CDIN1: variants seen among roughly 807,000 people sequenced by gnomAD.
CDIN1 encodes the protein CDAN1 interacting nuclease 1.
A neutral mutation model predicts 45.3 loss-of-function variants in CDIN1; 33 were observed. The ratio of observed to expected loss-of-function variants is 0.73; its 90% CI spans 0.55 to 0.97. The LOEUF (loss-of-function observed/expected upper bound fraction) is 0.97. Among genes scored for constraint, CDIN1 ranks in the 50% least tolerant of loss-of-function variants. The pLI, the probability that CDIN1 is intolerant of heterozygous loss-of-function variation, is 0.00. For missense variants in CDIN1, 303 were observed against 339.4 expected, an observed-to-expected ratio of 0.89 and a Z score of 0.84; for synonymous variants, 118 against 124.4, an observed-to-expected ratio of 0.95 and a Z score of 0.34.
chr15:36,587,116 T>A (rs757349963), intron 1 of CDIN1, among the ~76,000 whole-genome samples: 1 of 152,210 alleles, frequency 6.6e-6, no homozygotes, highest in Non-Finnish European at 1.5e-5. Flanking sequence ...CAAATAGATA[T>A]CTGTATCATT....
intron 7 of CDIN1, among the ~76,000 whole-genome samples, chr15:36,692,978 A>G (rs2042306346): frequency 6.6e-6 from 1 of 152,184 alleles, no homozygotes; most frequent in Non-Finnish European, 1.5e-5. Context: ...ATCCGAGTCC[A>G]TGAATTTCAC....
chr15:36,666,745 C>T (rs1387839389), intron 5 of CDIN1, among the ~76,000 whole-genome samples: 1 of 152,122 alleles, frequency 6.6e-6, no homozygotes, highest in Non-Finnish European at 1.5e-5. Flanking sequence ...ATGTTTCTGC[C>T]ACCTCCATGC....
At chr15:36,721,141 T>A (rs908592422) in intron 10 of CDIN1, among the ~76,000 whole-genome samples, 10 of 152,168 alleles carry the variant, frequency 6.6e-5, no homozygotes, top group South Asian at 6.2e-4. Flanking sequence ...TTCTCGTAAA[T>A]TTGTTTGAGT....
intron 10 of CDIN1, among the ~76,000 whole-genome samples, chr15:36,797,992 ACTTTCCTTC>A (rs2054871128): frequency 8.4e-5 from 12 of 142,910 alleles, no homozygotes; most frequent in African/African-American, 3.2e-4. Context: ...AAAAAAAAAG[ACTTTCCTTC>A]ATTATATAGT....
At chr15:36,779,392 G>A (rs867633777) in intron 10 of CDIN1, among the ~76,000 whole-genome samples, 1 of 152,130 alleles carries the variant, frequency 6.6e-6, no homozygotes, top group Middle Eastern at 3.4e-3. Context: ...TTTTCCTTTG[G>A]TGTTCAAATC....
chr15:36,669,939 A>G (rs1319210349), intron 5 of CDIN1, among the ~76,000 whole-genome samples: 1 of 151,926 alleles, frequency 6.6e-6, no homozygotes, highest in Non-Finnish European at 1.5e-5. Context: ...TAAAATTACT[A>G]TTTTTCCCTT....
At chr15:36,616,228 G>A (rs1028263973) in intron 1 of CDIN1, among the ~76,000 whole-genome samples, 1 of 152,082 alleles carries the variant, frequency 6.6e-6, no homozygotes, top group Non-Finnish European at 1.5e-5. Context: ...TATCCTTTAA[G>A]AACTGGATGC....
chr15:36,771,557 G>A (rs996293197), intron 10 of CDIN1, among the ~76,000 whole-genome samples: 4 of 152,116 alleles, frequency 2.6e-5, no homozygotes, highest in African/African-American at 7.2e-5. Flanking sequence ...TTTCAACCAC[G>A]CTTCAAGTTA....
intron 10 of CDIN1, among the ~76,000 whole-genome samples, chr15:36,764,213 G>A (rs201461775): frequency 1.3e-5 from 1 of 78,264 alleles, no homozygotes; most frequent in East Asian, 4.8e-4. Context: ...CTGTGGTTTT[G>A]GTTTTTTTTT....
At position 36,690,740 on chromosome 15, in the gene CDIN1, A is replaced by G. The variant is rs148186548; in HGVS notation, c.347-945A>G. ...GCTTGTGTGGATCAGACCATAAGCCATTTTGCTAAATTGTGGTGAATAATT... is the reference window on the plus strand; with the variant it reads ...GCTTGTGTGGATCAGACCATAAGCCGTTTTGCTAAATTGTGGTGAATAATT... On this transcript the variant is annotated intron_variant, in intron 5 of 10. Transcript: ENST00000566621. 2.6e-3 allele frequency among the ~76,000 whole-genome samples: 397 copies of G among 152,202 alleles called. 3 individuals are homozygous for G. The highest frequency in any genetic ancestry group is 9.3e-3 in the African/African-American group (385 of 41,518).
At position 36,644,340 on chromosome 15, in the gene CDIN1, T is replaced by A. The variant is rs757655531; in HGVS notation, c.147+17T>A. The A allele has an allele frequency of 1.3e-5, 21 of 1,610,564 alleles. No individual in the cohort carries two copies. The Admixed American group carries it at 3.2e-4, about 24-fold the overall frequency. ...GAGTACCAGGTTAGAAGTTTTCTCCTTTGTGAGGGTTGACAGGTGCCTAAT... is the reference window on the plus strand; with the variant it reads ...GAGTACCAGGTTAGAAGTTTTCTCCATTGTGAGGGTTGACAGGTGCCTAAT... On this transcript the variant is annotated intron_variant, in intron 2 of 10. Transcript: ENST00000566621.
intron 1 of CDIN1, among the ~76,000 whole-genome samples, chr15:36,600,338 A>G (rs1400782745): frequency 6.6e-6 from 1 of 152,222 alleles, no homozygotes; most frequent in Non-Finnish European, 1.5e-5. Flanking sequence ...AATGGCCAAT[A>G]TGCAGTTTTC....
chr15:36,652,317 A>C (rs929145553), intron 3 of CDIN1, among the ~76,000 whole-genome samples: 2 of 152,196 alleles, frequency 1.3e-5, no homozygotes, highest in African/African-American at 4.8e-5. Flanking sequence ...ATAGCGCTCC[A>C]AAATACTTGT....
intron 10 of CDIN1, among the ~76,000 whole-genome samples, chr15:36,794,250 G>A (rs923159548): frequency 6.6e-6 from 1 of 151,678 alleles, no homozygotes. Context: ...TAGTAGAGAC[G>A]GGTTTCACTG....
chr15:36,744,496 C>T (rs780016184), intron 10 of CDIN1, among the ~76,000 whole-genome samples: 1 of 152,160 alleles, frequency 6.6e-6, no homozygotes, highest in Non-Finnish European at 1.5e-5. Flanking sequence ...CTACTATGTT[C>T]ACCATTCTGG....
chr15:36,795,104 T>C (rs1429238002), intron 10 of CDIN1, among the ~76,000 whole-genome samples: 1 of 151,972 alleles, frequency 6.6e-6, no homozygotes, highest in African/African-American at 2.4e-5. Flanking sequence ...GGGTAAAGAG[T>C]AGAGTGACAG....
intron 1 of CDIN1, among the ~76,000 whole-genome samples, chr15:36,622,848 G>A (rs1410050148): frequency 1.3e-5 from 2 of 152,208 alleles, no homozygotes; most frequent in African/African-American, 4.8e-5. Context: ...GCTGGTGTTT[G>A]TATCGGGGAG....
intron 1 of CDIN1, among the ~76,000 whole-genome samples, chr15:36,601,064 C>CA (rs200247196): frequency 0.032 from 4,501 of 140,692 alleles, 208 homozygotes; most frequent in African/African-American, 0.11. Context: ...GTAGGGGTAT[C>CA]AAAAAAAAAA....
At chr15:36,739,472 C>T (rs899254087) in intron 10 of CDIN1, among the ~76,000 whole-genome samples, 10 of 152,258 alleles carry the variant, frequency 6.6e-5, no homozygotes, top group East Asian at 1.9e-4. Flanking sequence ...GCTGTCTCCT[C>T]TCTCCCTCGC....
Sources: allele counts gnomAD v4.1 joint callset (sites outside exome capture counted in the v4.1 genomes callset), GRCh38; gene constraint gnomAD v4.1.1; transcripts MANE v1.5; gene names NCBI Gene and HGNC (gene_info 2026-07-23, HGNC 2026-07-21).